Variants in CUL3 observed in about 807,000 individuals in gnomAD.
The protein encoded by CUL3 is cullin 3, also known as cullin-3.
CUL3 carries 19 observed loss-of-function variants against 89.1 expected under a neutral mutation model. The ratio of observed to expected loss-of-function variants is 0.21; its 90% CI spans 0.15 to 0.31. CUL3 has a LOEUF of 0.31. Ranked by LOEUF, CUL3 falls within the 10% of genes least tolerant of loss-of-function variation. CUL3 has a pLI of 1.00. For missense variants in CUL3, 469 were observed against 942.3 expected (o/e 0.50, Z 6.58); for synonymous variants, 351 against 308.4 (o/e 1.14, Z -1.45).
chr2:224,482,959 C>G (rs542971021), intron 13 of CUL3, among the ~76,000 whole-genome samples: 3 of 152,122 alleles, frequency 2.0e-5, no homozygotes, highest in African/African-American at 7.2e-5. Flanking sequence ...TCAGATTATA[C>G]GAGTAACTGA....
chr2:224,491,203 T>C (rs1274065354), intron 13 of CUL3, among the ~76,000 whole-genome samples: 2 of 152,192 alleles, frequency 1.3e-5, no homozygotes, highest in Admixed American at 6.5e-5. Context: ...CAGATTTCCT[T>C]GAATTTATAG....
At chr2:224,505,526 C>A (rs1397893933) in intron 8 of CUL3, among the ~76,000 whole-genome samples, 1 of 152,182 alleles carries the variant, frequency 6.6e-6, no homozygotes, top group African/African-American at 2.4e-5. Flanking sequence ...GCCTTGAACT[C>A]CTGAGCTCAA....
chr2:224,512,085 C>G (rs1405100972), intron 5 of CUL3, among the ~76,000 whole-genome samples: 2 of 150,822 alleles, frequency 1.3e-5, no homozygotes, highest in Non-Finnish European at 2.9e-5. Context: ...TTTTAAATAA[C>G]TATTCATCTT....
At chr2:224,488,678 G>A (rs1269462632) in intron 13 of CUL3, among the ~76,000 whole-genome samples, 1 of 152,136 alleles carries the variant, frequency 6.6e-6, no homozygotes, top group East Asian at 1.9e-4. Flanking sequence ...AATTCTACCA[G>A]AAGTACAAAG....
chr2:224,520,770 GGCCCTAC>G (rs1693230880), intron 3 of CUL3, among the ~76,000 whole-genome samples: 1 of 152,146 alleles, frequency 6.6e-6, no homozygotes, highest in Admixed American at 6.5e-5. Flanking sequence ...CAAAATGCTT[GGCCCTAC>G]AAGACCACAG....
In CUL3 at chr2:224,472,250, C is replaced by T. The variant is rs750546745; in HGVS notation, c.*1995G>A. ...TTTACAGCCACACTTGAGACAATGA[C>T]GTAAACTTAAACTTTACTTTTAATG... On this transcript the variant is annotated 3_prime_UTR_variant, in exon 16 of 16. Coordinates refer to ENST00000264414, the MANE Select transcript of CUL3 (RefSeq NM_003590.5). 5 of 218,140 alleles carry T rather than the reference C, an allele frequency of 2.3e-5. No homozygotes were observed. The highest frequency in any genetic ancestry group is 6.7e-5 in the African/African-American group (3 of 44,544). 13.5% of individuals were successfully genotyped at this position (218,140 alleles called of 1,614,324 possible).
rs772518058 is a variant in CUL3 at position 224,473,871 on chromosome 2, C to A, written c.*374G>T. 1 of 218,202 alleles carries A rather than the reference C, an allele frequency of 4.6e-6. No individual in the cohort carries two copies. The highest frequency in any genetic ancestry group is 9.2e-6 in the Non-Finnish European group (1 of 108,458). 13.5% of individuals were successfully genotyped at this position (218,202 alleles called of 1,614,324 possible). ...ATGCGCAAAGTGCTAAGCAACACTACAAAACACATTTACATCAACACTGAA... is the reference window on the plus strand; with the variant it reads ...ATGCGCAAAGTGCTAAGCAACACTAAAAAACACATTTACATCAACACTGAA... On this transcript the variant is annotated 3_prime_UTR_variant, in exon 16 of 16. Transcript: ENST00000264414.
In CUL3 at chr2:224,578,022, T is replaced by C. The variant is rs192253634; in HGVS notation, c.66+6922A>G. ...CAGATAATAGTAGTATTCAATAGAG[T>C]TTGCTCAAATGATTAAGTTTAGATA... On this transcript the variant is annotated intron_variant, in intron 1 of 15. Coordinates refer to ENST00000264414, the MANE Select transcript of CUL3 (RefSeq NM_003590.5). Among the ~76,000 whole-genome samples the C allele has an allele frequency of 5.7e-4, 87 of 152,232 alleles. 1 individual carries two copies. The highest frequency in any genetic ancestry group is 2.0e-3 in the African/African-American group (83 of 41,530).
At chr2:224,576,265 C>G (rs990224909) in intron 1 of CUL3, among the ~76,000 whole-genome samples, 5 of 152,066 alleles carry the variant, frequency 3.3e-5, no homozygotes, top group African/African-American at 9.7e-5. Context: ...GGATGAGATG[C>G]GAAGAACAGT....
Position 224,539,898 on chromosome 2 carries a change from C to A in CUL3, c.265-4257G>T, listed in dbSNP as rs544642423. ...GACTGAGTTCATTCCAAAAGTGAGC[C>A]CTCATGTAAACTATGGACTTGGAGT... On this transcript the variant is annotated intron_variant, in intron 2 of 15. Transcript: ENST00000264414. Among the ~76,000 whole-genome samples, 6 of 152,084 alleles carry A rather than the reference C, an allele frequency of 3.9e-5. No individual in the cohort carries two copies. In the South Asian group the frequency reaches 6.2e-4, roughly 16 times the overall value.
chr2:224,477,831 G>A (rs761950781), intron 15 of CUL3, among the ~76,000 whole-genome samples: 1 of 152,148 alleles, frequency 6.6e-6, no homozygotes, highest in African/African-American at 2.4e-5. Flanking sequence ...TTCCTAAGGG[G>A]TCTTCCCCTC....
At chr2:224,529,369 G>T (rs1047152760) in intron 3 of CUL3, among the ~76,000 whole-genome samples, 2 of 151,598 alleles carry the variant, frequency 1.3e-5, no homozygotes, top group Non-Finnish European at 2.9e-5. Context: ...TGTAATCCCA[G>T]TACTTTGGGA....
chr2:224,546,785 C>G (rs977249821), intron 2 of CUL3, among the ~76,000 whole-genome samples: 15 of 152,120 alleles, frequency 9.9e-5, no homozygotes, highest in African/African-American at 3.6e-4. Context: ...CCCCTAACAT[C>G]ATTTCTCTTC....
intron 2 of CUL3, among the ~76,000 whole-genome samples, chr2:224,541,718 C>T (rs1015564895): frequency 6.6e-6 from 1 of 151,844 alleles, no homozygotes; most frequent in African/African-American, 2.4e-5. Context: ...GAGTATCAGC[C>T]ATAAAAGGGA....
Position 224,558,884 on chromosome 2 carries a change from A to C in CUL3, c.67-1028T>G, listed in dbSNP as rs78084484. 6.3e-4 allele frequency among the ~76,000 whole-genome samples: 7 copies of C among 11,076 alleles called. No homozygotes were observed. In the African/African-American group the frequency reaches 7.6e-3, roughly 12 times the overall value. The allele number at this position is 11,076 out of a possible 152,430, so 7.3% of individuals were successfully genotyped here. A position where few individuals can be genotyped will look rare whatever the true frequency, so the allele number is the denominator to read the frequency against. Reference sequence around the variant, plus strand: ...GGTCTCTACTAAATATACAAAAAATATACTAAATATACAAAAAAAAGATTA... The same window carrying C: ...GGTCTCTACTAAATATACAAAAAATCTACTAAATATACAAAAAAAAGATTA... On this transcript the variant is annotated intron_variant, in intron 1 of 15. Transcript: ENST00000264414.
chr2:224,475,902 T>C (rs976916598), intron 15 of CUL3, among the ~76,000 whole-genome samples: 1 of 152,196 alleles, frequency 6.6e-6, no homozygotes, highest in Non-Finnish European at 1.5e-5. Context: ...AGTAAAGATG[T>C]AGTTGTTAAC....
intron 3 of CUL3, among the ~76,000 whole-genome samples, chr2:224,529,244 A>G (rs1345407644): frequency 6.6e-6 from 1 of 152,168 alleles, no homozygotes; most frequent in Non-Finnish European, 1.5e-5. Context: ...AATCATTTGA[A>G]TAATTTAAAA....
At chr2:224,532,531 G>C (rs1198683998) in intron 3 of CUL3, among the ~76,000 whole-genome samples, 1 of 151,866 alleles carries the variant, frequency 6.6e-6, no homozygotes, top group Admixed American at 6.6e-5. Context: ...ATACCATGGT[G>C]ATACTAGTAA....
intron 1 of CUL3, among the ~76,000 whole-genome samples, chr2:224,568,244 A>G (rs1490903092): frequency 6.6e-6 from 1 of 152,232 alleles, no homozygotes; most frequent in Non-Finnish European, 1.5e-5. Flanking sequence ...TTAACTATAC[A>G]CTAAATAAAC....
Sources: gnomAD v4.1 joint callset for allele counts (sites outside exome capture counted in the v4.1 genomes callset) on GRCh38, gnomAD v4.1.1 for gene constraint, MANE v1.5 for transcripts, NCBI Gene and HGNC (gene_info 2026-07-23, HGNC 2026-07-21) for gene names.